Variants in ADCY9 observed in about 807,000 individuals in gnomAD.
ADCY9 encodes adenylate cyclase type 9.
Under a neutral mutation model 101.5 loss-of-function variants are expected in ADCY9, and 50 were observed. The ratio of observed to expected loss-of-function variants is 0.49; its 90% confidence interval spans 0.39 to 0.62. The LOEUF (loss-of-function observed/expected upper bound fraction) is 0.62, where lower values mean the gene tolerates loss of function less well. Ranked by LOEUF, ADCY9 falls within the 20% of genes least tolerant of loss-of-function variation. The pLI is 0.00. For missense variants in ADCY9, 1,662 were observed against 1,800.4 expected, an observed-to-expected ratio of 0.92 and a Z score of 1.39; for synonymous variants, 905 against 769.3, an observed-to-expected ratio of 1.18 and a Z score of -2.92.
chr16:4,047,005 A>G (rs1422668747), intron 2 of ADCY9, among the ~76,000 whole-genome samples: 1 of 150,750 alleles, frequency 6.6e-6, no homozygotes, highest in Non-Finnish European at 1.5e-5. Flanking sequence ...GCAAGACCCA[A>G]TCTAAAACAA....
intron 2 of ADCY9, among the ~76,000 whole-genome samples, chr16:4,068,673 T>C (rs1032661768): frequency 2.0e-5 from 3 of 151,968 alleles, no homozygotes; most frequent in Admixed American, 6.6e-5. Context: ...AAAAATTAGC[T>C]GGGCATGGTG....
At position 3,979,921 on chromosome 16, in the gene ADCY9, G is replaced by A. The variant is rs757524696; in HGVS notation, c.2520-646C>T. Among the ~76,000 whole-genome samples, 61 of 152,328 alleles carry A rather than the reference G, an allele frequency of 4.0e-4. 1 individual carries two copies. The highest frequency in any genetic ancestry group is 6.5e-4 in the Non-Finnish European group (44 of 68,028). On this transcript the variant is annotated intron_variant, in intron 7 of 10. Transcript: ENST00000294016. ...TCTGTGGTGGTGCTGACACACCCTG[G>A]ATTTTCTTGGAGCGCAGCTCCTGTG... is the stretch of plus-strand genomic sequence containing the variant.
chr16:4,014,139 C>T (rs575214343), intron 2 of ADCY9, among the ~76,000 whole-genome samples: 84 of 151,992 alleles, frequency 5.5e-4, no homozygotes, highest in African/African-American at 2.0e-3. Flanking sequence ...GCCAACATGG[C>T]GAAATCCCGT....
At chr16:4,056,545 C>T (rs2141155546) in intron 2 of ADCY9, among the ~76,000 whole-genome samples, 1 of 152,312 alleles carries the variant, frequency 6.6e-6, no homozygotes, top group Middle Eastern at 3.4e-3. Context: ...TGAGCCACCA[C>T]ACCCAGCCAA....
intron 2 of ADCY9, among the ~76,000 whole-genome samples, chr16:4,047,985 G>A (rs1381495089): frequency 2.6e-5 from 4 of 152,158 alleles, no homozygotes; most frequent in Admixed American, 1.3e-4. Flanking sequence ...ACGCTCTGCC[G>A]TGACCCACTT....
rs185430815 is a variant in ADCY9, at chr16:4,065,757, C to T, written c.1693+47993G>A. On this transcript the variant is annotated intron_variant, in intron 2 of 10. Transcript: ENST00000294016. ...CTAATTTTTGTATTTTTAGTAGAGGCGGGGTTTCGCCATGTTGGCCAGGCT... is the reference window on the plus strand; with the variant it reads ...CTAATTTTTGTATTTTTAGTAGAGGTGGGGTTTCGCCATGTTGGCCAGGCT... Among the ~76,000 whole-genome samples, 88 of 152,202 alleles carry T rather than the reference C, an allele frequency of 5.8e-4. No homozygotes were observed. The East Asian group carries it at 0.016, about 28-fold the overall frequency.
intron 2 of ADCY9, among the ~76,000 whole-genome samples, chr16:4,079,345 G>T (rs984958842): frequency 2.0e-5 from 3 of 152,178 alleles, no homozygotes; most frequent in Non-Finnish European, 4.4e-5. Flanking sequence ...AAGGTGGGTG[G>T]ATCACCTGAG....
At chr16:3,995,694 G>A (rs984539080) in intron 3 of ADCY9, among the ~76,000 whole-genome samples, 7 of 151,124 alleles carry the variant, frequency 4.6e-5, no homozygotes, top group Non-Finnish European at 7.4e-5. Context: ...ATATTATTTT[G>A]GAAATTTAAA....
chr16:4,030,237 G>T (rs2056545831), intron 2 of ADCY9, among the ~76,000 whole-genome samples: 1 of 152,134 alleles, frequency 6.6e-6, no homozygotes, highest in Admixed American at 6.6e-5. Flanking sequence ...TATTGTAAAA[G>T]TCAAAGCCCA....
intron 2 of ADCY9, among the ~76,000 whole-genome samples, chr16:4,093,629 C>T (rs773421545): frequency 6.6e-6 from 1 of 152,042 alleles, no homozygotes; most frequent in Admixed American, 6.6e-5. Context: ...TGTTGGCATG[C>T]GCCTGCAGTC....
At chr16:3,961,026 G>C (rs1005996266), downstream of ADCY9, among the ~76,000 whole-genome samples, 1 of 152,146 alleles carries the variant, frequency 6.6e-6, no homozygotes, top group Non-Finnish European at 1.5e-5. Flanking sequence ...GCAACCATGT[G>C]AACAAGATTT....
chr16:3,997,907 A>T lies in ADCY9; in HGVS notation c.1885-4397T>A, dbSNP rs560379929. 3.3e-5 allele frequency among the ~76,000 whole-genome samples: 5 copies of T among 152,282 alleles called. No individual in the cohort carries two copies. The South Asian group carries it at 1.0e-3, about 32-fold the overall frequency. ...TCAGGAGTTTAAGACCAGCCTGGTC[A>T]ACATGGCAAAACCCTGTCTCTATTA... is the stretch of plus-strand genomic sequence containing the variant. On this transcript the variant is annotated intron_variant, in intron 3 of 10. Coordinates refer to ENST00000294016, the MANE Select transcript of ADCY9 (RefSeq NM_001116.4).
chr16:4,053,140 AT>A (rs2056712493), intron 2 of ADCY9, among the ~76,000 whole-genome samples: 1 of 152,224 alleles, frequency 6.6e-6, no homozygotes. Context: ...GAACGTGATT[AT>A]TCAATGGGCA....
intron 2 of ADCY9, among the ~76,000 whole-genome samples, chr16:4,093,306 C>T (rs1234628868): frequency 6.6e-6 from 1 of 152,218 alleles, no homozygotes; most frequent in Admixed American, 6.5e-5. Context: ...GTCCCCGAAG[C>T]TCTCTATTAA....
chr16:3,998,665 T>C (rs1358658164), intron 3 of ADCY9, among the ~76,000 whole-genome samples: 1 of 120,722 alleles, frequency 8.3e-6, no homozygotes, highest in Non-Finnish European at 1.6e-5. Flanking sequence ...GCCGAGATGG[T>C]GCCACTGCAC....
At chr16:4,027,003 C>G (rs2056520314) in intron 2 of ADCY9, among the ~76,000 whole-genome samples, 1 of 152,226 alleles carries the variant, frequency 6.6e-6, no homozygotes, top group Admixed American at 6.5e-5. Flanking sequence ...ACCAACCAGA[C>G]TGGTCCCAGG....
At chr16:4,024,028 T>A (rs970332988) in intron 2 of ADCY9, among the ~76,000 whole-genome samples, 75 of 152,266 alleles carry the variant, frequency 4.9e-4, no homozygotes, top group African/African-American at 1.7e-3. Flanking sequence ...TTTTAACTTT[T>A]TTTTTTTCTC....
intron 3 of ADCY9, among the ~76,000 whole-genome samples, chr16:4,005,186 A>C (rs1015193396): frequency 6.6e-6 from 1 of 152,136 alleles, no homozygotes; most frequent in African/African-American, 2.4e-5. Context: ...TCTGTGTTGA[A>C]TATCCCAAGC....
chr16:4,107,580 A>C (rs2057085718), intron 2 of ADCY9, among the ~76,000 whole-genome samples: 1 of 144,860 alleles, frequency 6.9e-6, no homozygotes, highest in African/African-American at 2.5e-5. Flanking sequence ...AAAAAAAAAG[A>C]ATGCAGTGCA....
Sources: gnomAD v4.1 joint callset for allele counts (sites outside exome capture counted in the v4.1 genomes callset) on GRCh38, gnomAD v4.1.1 for gene constraint, MANE v1.5 for transcripts, NCBI Gene and HGNC (gene_info 2026-07-23, HGNC 2026-07-21) for gene names.